Variants in BRCA1 observed in about 807,000 individuals in gnomAD.
BRCA1 encodes breast cancer type 1 susceptibility protein.
In BRCA1, 140 loss-of-function variants were observed where a neutral mutation model predicts 173.7. The ratio of observed to expected loss-of-function variants is 0.81; its 90% confidence interval spans 0.70 to 0.93. The LOEUF (loss-of-function observed/expected upper bound fraction) is 0.93. Ranked by LOEUF, BRCA1 falls within the 40% of genes least tolerant of loss-of-function variation. BRCA1 has a pLI of 0.00. For synonymous variants in BRCA1, 662 were observed against 756.0 expected, an observed-to-expected ratio of 0.88 and a Z score of 2.04; for missense variants, 1,983 against 2,172.5, an observed-to-expected ratio of 0.91 and a Z score of 1.73.
chr17:43,063,663 C>T (rs2051892475), intron 17 of BRCA1, among the ~76,000 whole-genome samples: 1 of 152,140 alleles, frequency 6.6e-6, no homozygotes, highest in South Asian at 2.1e-4. Context: ...AGATTAGGTC[C>T]TATTAGTTAT....
At position 43,123,628 on chromosome 17, in the gene BRCA1, A is replaced by G. The variant is rs8176082; in HGVS notation, c.80+389T>C. Among the ~76,000 whole-genome samples the G allele has an allele frequency of 0.32, 48,178 of 152,102 alleles. 7,976 individuals are homozygous for G. Among genetic ancestry groups the G allele is most frequent in the South Asian group, 0.49 (2,380 of 4,826 alleles). Reference sequence around the variant, plus strand: ...CTCCCAAAGTGCTGGGATTACAGGCATAAGCCACCGCCCTCGGCCTCATCC... The same window carrying G: ...CTCCCAAAGTGCTGGGATTACAGGCGTAAGCCACCGCCCTCGGCCTCATCC... On this transcript the variant is annotated intron_variant, in intron 2 of 22. Coordinates refer to ENST00000357654, the MANE Select transcript of BRCA1 (RefSeq NM_007294.4).
At chr17:43,112,087 T>C (rs1156954077) in intron 3 of BRCA1, among the ~76,000 whole-genome samples, 1 of 151,962 alleles carries the variant, frequency 6.6e-6, no homozygotes, top group Non-Finnish European at 1.5e-5. Context: ...ATGGGCATTA[T>C]ACTGGACTTT....
At chr17:43,112,038 T>C (rs2154561529) in intron 3 of BRCA1, among the ~76,000 whole-genome samples, 1 of 152,136 alleles carries the variant, frequency 6.6e-6, no homozygotes, top group South Asian at 2.1e-4. Flanking sequence ...ATTATATTGA[T>C]ATTACAGAAG....
chr17:43,100,686 T>TATATATA (rs2054426745), intron 6 of BRCA1, among the ~76,000 whole-genome samples: 1 of 17,436 alleles, frequency 5.7e-5, no homozygotes, highest in African/African-American at 1.1e-4. Flanking sequence ...ATAATATATA[T>TATATATA]ATATATATAT....
At chr17:43,134,942 G>A (rs2056003679) in intron 1 of BRCA1, among the ~76,000 whole-genome samples, 1 of 152,240 alleles carries the variant, frequency 6.6e-6, no homozygotes, top group Non-Finnish European at 1.5e-5. Flanking sequence ...GACCCAGGCT[G>A]TGCAACCCCC....
rs3785548 is a variant in BRCA1, at chr17:43,144,928, C to T, written c.-19-20813G>A. 6.9e-6 allele frequency: 4 copies of T among 579,640 alleles called. No homozygotes were observed. In the East Asian group the frequency reaches 1.8e-4, roughly 26 times the overall value. 35.9% of individuals were successfully genotyped at this position (579,640 alleles called of 1,614,324 possible). On this transcript the variant is annotated intron_variant, in intron 1 of 7. Coordinates refer to the BRCA1 transcript ENST00000634433. ...GTAGGCACACCGCGGCCAGCAGGCACCTGGCACCCACCTTCCCTGCTGCCA... is the reference window on the plus strand; with the variant it reads ...GTAGGCACACCGCGGCCAGCAGGCATCTGGCACCCACCTTCCCTGCTGCCA...
rs71160013 is a variant in BRCA1, at chr17:43,121,683, C to CAAAAAAA, written c.80+2327_80+2333dup. ...GGGCAACAAGAGCCAAAGTCTGTCT[C>CAAAAAAA]AAAAAAAAAAAAAAAAAAAAAAAAA... is the stretch of plus-strand genomic sequence containing the variant. On this transcript the variant is annotated intron_variant, in intron 2 of 22. Transcript: ENST00000357654. Among the ~76,000 whole-genome samples the CAAAAAAA allele has an allele frequency of 1.5e-4, 5 of 32,890 alleles. 1 individual carries two copies. The highest frequency in any genetic ancestry group is 4.3e-4 in the African/African-American group (3 of 7,014). 21.6% of individuals were successfully genotyped at this position (32,890 alleles called of 152,430 possible). A position where few individuals can be genotyped will look rare whatever the true frequency, so the allele number is the denominator to read the frequency against.
At position 43,145,617 on chromosome 17, in the gene BRCA1, C is replaced by T. The variant is rs371864847; in HGVS notation, c.-19-21502G>A. Among the ~76,000 whole-genome samples the T allele has an allele frequency of 4.9e-4, 75 of 152,284 alleles. 1 individual carries two copies. The East Asian group carries it at 0.011, about 23-fold the overall frequency. ...CTGGGATTACAGGCGTGAGCCACTG[C>T]GCCCGGCCTCCAGAGGAATATTTTT... On this transcript the variant is annotated intron_variant, in intron 1 of 7. Transcript: ENST00000634433.
Position 43,106,495 on chromosome 17 carries a change from G to A in BRCA1, c.173C>T (p.Pro58Leu), listed in dbSNP as rs2054783819. The change falls in exon 4 of 23, where the codon CCT (proline) becomes CTT (leucine). Residue 58 changes from proline (P) to leucine (L), a missense_variant. Transcript: ENST00000357654. ...MLKLLNQKKG[P>L]SQCPLCKNDI... is the part of the protein sequence containing the mutation. ...ATTCTTACATAAAGGACACTGTGAAGGCCCTTTCTTCTGGTTGAGAAGTTT... is the reference window on the plus strand; with the variant it reads ...ATTCTTACATAAAGGACACTGTGAAAGCCCTTTCTTCTGGTTGAGAAGTTT... 1 of 1,604,602 alleles carries A rather than the reference G, an allele frequency of 6.2e-7. No individual in the cohort carries two copies. Among genetic ancestry groups the A allele is most frequent in the Non-Finnish European group, 8.5e-7 (1 of 1,172,338 alleles).
intron 1 of BRCA1, among the ~76,000 whole-genome samples, chr17:43,135,506 C>T (rs1235890492): frequency 6.6e-6 from 1 of 152,232 alleles, no homozygotes; most frequent in Non-Finnish European, 1.5e-5. Context: ...GCTATCATGT[C>T]ATAAGCCGGT....
chr17:43,085,359 C>G (rs1157159486), intron 11 of BRCA1, among the ~76,000 whole-genome samples: 2 of 139,278 alleles, frequency 1.4e-5, no homozygotes, highest in Non-Finnish European at 3.1e-5. Context: ...AACTCTGTCT[C>G]AAAAAAAAAA....
chr17:43,151,759 G>A (rs1199805052), intron 1 of BRCA1, among the ~76,000 whole-genome samples: 1 of 152,170 alleles, frequency 6.6e-6, no homozygotes, highest in Non-Finnish European at 1.5e-5. Context: ...AGCCGCACAT[G>A]GTGGCACGCC....
At chr17:43,070,472 C>T (rs1244558725) in intron 15 of BRCA1, among the ~76,000 whole-genome samples, 1 of 152,160 alleles carries the variant, frequency 6.6e-6, no homozygotes, top group Admixed American at 6.5e-5. Context: ...GCAGGGCATT[C>T]TTACAAGCCA....
In BRCA1 at chr17:43,097,304, C is replaced by A. The variant is rs755221482; in HGVS notation, c.548-15G>T. 3 of 1,608,874 alleles carry A rather than the reference C, an allele frequency of 1.9e-6. No individual in the cohort carries two copies. Among genetic ancestry groups the A allele is most frequent in the South Asian group, 1.1e-5 (1 of 90,730 alleles). ...AGAATCAGATCCTAAAAAATTTCCCCCCAAAAAATAAATCAATAAAAGTTT... is the reference window on the plus strand; with the variant it reads ...AGAATCAGATCCTAAAAAATTTCCCACCAAAAAATAAATCAATAAAAGTTT... On this transcript the variant is annotated splice_polypyrimidine_tract_variant and intron_variant, in intron 7 of 22. Transcript: ENST00000357654.
chr17:43,125,059 ACACT>A (rs2055808272), intron 1 of BRCA1: 1 of 433,316 alleles, frequency 2.3e-6, no homozygotes, highest in Admixed American at 2.4e-5. Flanking sequence ...TCCCCCACGG[ACACT>A]CAGTGCCCCC....
chr17:43,168,275 C>T (rs1175549464), intron 1 of BRCA1: 1 of 391,886 alleles, frequency 2.6e-6, no homozygotes, highest in Non-Finnish European at 5.1e-6. Context: ...TGAACTTTAA[C>T]ACATTAGAAA....
rs71157698 is a variant in BRCA1 at position 43,046,222 on chromosome 17, CTT to C, written c.5468-422_5468-421del. Among the ~76,000 whole-genome samples, 353 of 68,276 alleles carry C rather than the reference CTT, an allele frequency of 5.2e-3. 1 individual carries two copies. Among genetic ancestry groups the C allele is most frequent in the African/African-American group, 0.025 (331 of 13,464 alleles). 44.8% of individuals were successfully genotyped at this position (68,276 alleles called of 152,430 possible). ...ACAGGCGTGAGCCACTGCACCTGGC[CTT>C]TTTTTTTTTTTTTTTTTTTTTTTGA... On this transcript the variant is annotated intron_variant, in intron 22 of 22. Transcript: ENST00000357654.
At chr17:43,048,010 C>T (rs1206070051) in intron 21 of BRCA1, among the ~76,000 whole-genome samples, 2 of 152,072 alleles carry the variant, frequency 1.3e-5, no homozygotes, top group Non-Finnish European at 2.9e-5. Context: ...CTGGGCTCAA[C>T]TTCACCCCCG....
chr17:43,150,644 C>T (rs922566610), intron 1 of BRCA1, among the ~76,000 whole-genome samples: 3 of 152,042 alleles, frequency 2.0e-5, no homozygotes, highest in African/African-American at 7.2e-5. Context: ...ATAAAAGTCC[C>T]CTGAATTCAA....
Sources: allele counts gnomAD v4.1 joint callset (sites outside exome capture counted in the v4.1 genomes callset), GRCh38; gene constraint gnomAD v4.1.1; transcripts MANE v1.5; gene names NCBI Gene and HGNC (gene_info 2026-07-23, HGNC 2026-07-21).